The following ATP11C variants were observed in gnomAD, a reference collection of about 807,000 sequenced individuals.
ATP11C encodes phospholipid-transporting ATPase IG.
Under a neutral mutation model 97.4 loss-of-function variants are expected in ATP11C, and 36 were observed. That is an observed-to-expected ratio of 0.37 (90% CI 0.28 to 0.49). The LOEUF (loss-of-function observed/expected upper bound fraction) is 0.49. Among genes scored for constraint, ATP11C ranks in the 20% least tolerant of loss-of-function variants. ATP11C has a pLI of 0.98. For synonymous variants in ATP11C, 275 were observed against 290.9 expected, an observed-to-expected ratio of 0.95 and a Z score of 0.56; for missense variants, 730 against 824.6, an observed-to-expected ratio of 0.89 and a Z score of 1.40.
intron 24 of ATP11C, 141 bp from the exon 25 acceptor site, chrX:139,745,998 G>A: frequency 1.6e-6 from 1 of 609,029 alleles, no homozygotes; most frequent in Non-Finnish European, 2.4e-6. Context: ...TTTGGTAAAG[G>A]GTCAGACTGA....
chrX:139,748,118 T>C (rs2148645198), intron 24 of ATP11C, among the ~76,000 whole-genome samples: 1 of 111,751 alleles, frequency 8.9e-6, no homozygotes, highest in Admixed American at 9.5e-5. Context: ...TGGAGGAGGG[T>C]GTTAGAATAA....
chrX:139,896,415 G>A (rs761028523), intron 1 of ATP11C, among the ~76,000 whole-genome samples: 2 of 110,925 alleles, frequency 1.8e-5, no homozygotes, highest in South Asian at 7.7e-4. Flanking sequence ...AACTGTCACA[G>A]CCAAGAAGAG....
chrX:139,750,147 C>A lies in ATP11C; in HGVS notation c.2706G>T (p.Leu902=), dbSNP rs965714834. ...ACATTGTAAGGTAAGCAGCATCATA[C>A]AGTGGCTAAAATGAAAAACAACAGA... The part of the protein sequence containing the change: ...QFFCGFSQQP[L]YDAAYLTMYN... The change falls in exon 24 of 30, where the codon CTG becomes CTT. Residue 902 remains leucine (L), a synonymous_variant. Transcript: ENST00000682941. 1.7e-6 allele frequency: 2 copies of A among 1,177,730 alleles called. No homozygotes were observed. The highest frequency in any genetic ancestry group is 2.3e-6 in the Non-Finnish European group (2 of 873,634).
intron 1 of ATP11C, among the ~76,000 whole-genome samples, chrX:139,905,666 A>T (rs898650564): frequency 2.1e-4 from 23 of 111,988 alleles, no homozygotes; most frequent in African/African-American, 7.5e-4. Flanking sequence ...AGTTATCCTT[A>T]AAAAAGTGAC....
In ATP11C at chrX:139,726,850, T is replaced by G. The variant is rs2081261482; in HGVS notation, c.*2116A>C. 2 of 111,742 alleles carry G rather than the reference T, an allele frequency of 1.8e-5. No homozygotes were observed. Among genetic ancestry groups the G allele is most frequent in the Non-Finnish European group, 3.8e-5 (2 of 53,020 alleles). The allele number at this position is 111,742 out of a possible 1,213,427, so 9.2% of individuals were successfully genotyped here. On this transcript the variant is annotated 3_prime_UTR_variant, in exon 30 of 30. Coordinates refer to ENST00000682941, the MANE Select transcript of ATP11C (RefSeq NM_001353812.2). ...AGTGCTAGGAATACTGCATGGTCTA[T>G]TTCAAGTTATTCGATCTGCTAACCC...
chrX:139,911,656 TAC>T (rs199906690), intron 1 of ATP11C, among the ~76,000 whole-genome samples: 8 of 109,718 alleles, frequency 7.3e-5, no homozygotes, highest in South Asian at 3.8e-4. Context: ...ATGCAAATCC[TAC>T]ACACACACAC....
chrX:139,796,729 C>T (rs2082805622), intron 11 of ATP11C, among the ~76,000 whole-genome samples: 1 of 111,139 alleles, frequency 9.0e-6, no homozygotes, highest in African/African-American at 3.3e-5. Flanking sequence ...TCTTTAAGTT[C>T]TCTTTGCTCA....
intron 1 of ATP11C, among the ~76,000 whole-genome samples, chrX:139,895,100 C>T (rs17282081): frequency 0.05 from 5,621 of 111,893 alleles, 239 homozygotes; most frequent in East Asian, 0.3. Context: ...ACGTGGTAAA[C>T]GGATATAAGA....
chrX:139,905,200 G>A (rs1051124932), intron 1 of ATP11C, among the ~76,000 whole-genome samples: 7 of 112,141 alleles, frequency 6.2e-5, no homozygotes, highest in African/African-American at 2.3e-4. Flanking sequence ...AGTGTGAGAG[G>A]AAAACAATGG....
chrX:139,830,855 T>A lies in ATP11C; in HGVS notation c.28-4032A>T, dbSNP rs184343453. On this transcript the variant is annotated intron_variant, in intron 1 of 29. Coordinates refer to ENST00000682941, the MANE Select transcript of ATP11C (RefSeq NM_001353812.2). ...AAATTGAAAGAGCATTTCATCAAAA[T>A]TTCAGATGTCTACTAAAATGCTCCC... 1.6e-3 allele frequency among the ~76,000 whole-genome samples: 174 copies of A among 111,299 alleles called. 1 individual carries two copies. The highest frequency in any genetic ancestry group is 5.2e-3 in the African/African-American group (161 of 30,690).
chrX:139,905,060 G>A (rs2084954122), intron 1 of ATP11C, among the ~76,000 whole-genome samples: 2 of 112,314 alleles, frequency 1.8e-5, no homozygotes, highest in Non-Finnish European at 3.8e-5. Flanking sequence ...CACAATCTGT[G>A]GAATTGGGTG....
intron 19 of ATP11C, among the ~76,000 whole-genome samples, chrX:139,774,212 G>A (rs2082306534): frequency 9.0e-6 from 1 of 111,672 alleles, no homozygotes; most frequent in African/African-American, 3.3e-5. Flanking sequence ...GAGTCAAAGC[G>A]GCCATGTCCT....
intron 1 of ATP11C, among the ~76,000 whole-genome samples, chrX:139,850,593 T>C (rs2083973781): frequency 9.0e-6 from 1 of 110,840 alleles, no homozygotes; most frequent in African/African-American, 3.3e-5. Context: ...AAGAAATGAG[T>C]TAAAGATGAA....
chrX:139,772,560 T>G lies in ATP11C; in HGVS notation c.2216+2130A>C, dbSNP rs763587999. On this transcript the variant is annotated intron_variant, in intron 19 of 29. Transcript: ENST00000682941. ...AGCAGCCAGGAGGGAGACTATACCCTGCAAGGCCACAGAGGCAGAGCTGCC... is the reference window on the plus strand; with the variant it reads ...AGCAGCCAGGAGGGAGACTATACCCGGCAAGGCCACAGAGGCAGAGCTGCC... 7.2e-5 allele frequency among the ~76,000 whole-genome samples: 8 copies of G among 111,867 alleles called. No individual in the cohort carries two copies. In the East Asian group the frequency reaches 2.3e-3, roughly 32 times the overall value.
At chrX:139,888,202 C>CA (rs1316584830) in intron 1 of ATP11C, among the ~76,000 whole-genome samples, 3 of 106,923 alleles carry the variant, frequency 2.8e-5, no homozygotes, top group Non-Finnish European at 5.8e-5. Flanking sequence ...AGTGCGATCT[C>CA]AGCTCATTGC....
At chrX:139,832,329 C>T (rs1160730712) in intron 1 of ATP11C, 2 of 1,099,835 alleles carry the variant, frequency 1.8e-6, no homozygotes, top group Non-Finnish European at 1.2e-6. Flanking sequence ...TATGGCTTGC[C>T]TAGTTCCTGT....
At chrX:139,749,056 G>A (rs567742072) in intron 24 of ATP11C, among the ~76,000 whole-genome samples, 1 of 111,845 alleles carries the variant, frequency 8.9e-6, no homozygotes, top group Admixed American at 9.5e-5. Flanking sequence ...TAGAGCAGAC[G>A]GGGTTATCAG....
At chrX:139,771,631 G>C (rs1453681335) in intron 19 of ATP11C, among the ~76,000 whole-genome samples, 1 of 111,733 alleles carries the variant, frequency 8.9e-6, no homozygotes, top group Non-Finnish European at 1.9e-5. Context: ...GTCTCAGACA[G>C]AGATGAGGAA....
At chrX:139,877,755 C>T (rs1277661986) in intron 1 of ATP11C, among the ~76,000 whole-genome samples, 4 of 112,389 alleles carry the variant, frequency 3.6e-5, no homozygotes, top group African/African-American at 1.3e-4. Context: ...AGCCCAGTGA[C>T]TCATGCCTGT....
Sources: allele counts gnomAD v4.1 joint callset (sites outside exome capture counted in the v4.1 genomes callset), GRCh38; gene constraint gnomAD v4.1.1; transcripts MANE v1.5; gene names NCBI Gene and HGNC (gene_info 2026-07-23, HGNC 2026-07-21).